The following SH3RF1 variants were observed in gnomAD, a reference collection of about 807,000 sequenced individuals.
The protein encoded by SH3RF1 is SH3 domain containing ring finger 1, also known as E3 ubiquitin-protein ligase SH3RF1.
Under a neutral mutation model 74.0 loss-of-function variants are expected in SH3RF1, and 32 were observed. The observed-to-expected ratio is 0.43, with a 90% confidence interval of 0.33 to 0.58. SH3RF1 has a LOEUF of 0.58. Ranked by LOEUF, SH3RF1 falls within the 20% of genes least tolerant of loss-of-function variation. SH3RF1 has a pLI of 0.05. For missense variants in SH3RF1, 954 were observed against 1,130.9 expected (o/e 0.84, Z 2.24); for synonymous variants, 396 against 439.6 (o/e 0.90, Z 1.24).
At chr4:169,096,731 A>T (rs1732938568) in intron 11 of SH3RF1, 44 bp from the exon 12 acceptor site, 2 of 1,565,758 alleles carry the variant, frequency 1.3e-6, no homozygotes, top group Non-Finnish European at 1.7e-6. Flanking sequence ...CAAAGCAGTG[A>T]TTTTAAAAAA....
Position 169,193,979 on chromosome 4 carries a change from A to G in SH3RF1, c.394-37300T>C, listed in dbSNP as rs536397043. On this transcript the variant is annotated intron_variant, in intron 2 of 11. Coordinates refer to ENST00000284637, the MANE Select transcript of SH3RF1 (RefSeq NM_020870.4). ...GCTGTACTAAGACAATCTCAAGGATAGAGTCTTTTTTTCATGTTTGTGCCA... is the reference window on the plus strand; with the variant it reads ...GCTGTACTAAGACAATCTCAAGGATGGAGTCTTTTTTTCATGTTTGTGCCA... Among the ~76,000 whole-genome samples, 7 of 152,278 alleles carry G rather than the reference A, an allele frequency of 4.6e-5. No homozygotes were observed. The East Asian group carries it at 1.4e-3, about 29-fold the overall frequency.
At chr4:169,248,132 T>TACTC (rs1561063997) in intron 2 of SH3RF1, among the ~76,000 whole-genome samples, 3 of 152,174 alleles carry the variant, frequency 2.0e-5, no homozygotes, top group Admixed American at 1.3e-4. Flanking sequence ...GCAATCCCAT[T>TACTC]GGTGGATATA....
intron 10 of SH3RF1, among the ~76,000 whole-genome samples, chr4:169,107,425 G>A (rs1029713873): frequency 1.3e-5 from 2 of 152,060 alleles, no homozygotes; most frequent in Admixed American, 1.3e-4. Context: ...ACCAAGTTTT[G>A]TGTGGTGCTA....
At chr4:169,117,958 G>C (rs992004668) in intron 8 of SH3RF1, among the ~76,000 whole-genome samples, 176 bp from the exon 9 acceptor site, 2 of 152,230 alleles carry the variant, frequency 1.3e-5, no homozygotes, top group South Asian at 2.1e-4. Context: ...GGCTGAGACA[G>C]AGAAAGGTCT....
intron 2 of SH3RF1, among the ~76,000 whole-genome samples, chr4:169,263,018 C>T (rs1458805481): frequency 6.6e-6 from 1 of 152,176 alleles, no homozygotes; most frequent in Non-Finnish European, 1.5e-5. Flanking sequence ...CCACCTTTTC[C>T]GTTTTAATTC....
chr4:169,221,545 T>C (rs1730564366), intron 2 of SH3RF1, among the ~76,000 whole-genome samples: 1 of 152,168 alleles, frequency 6.6e-6, no homozygotes, highest in African/African-American at 2.4e-5. Flanking sequence ...TTTGAAAACA[T>C]TAACATTGGA....
intron 6 of SH3RF1, 79 bp from the exon 7 acceptor site, chr4:169,122,345 G>A: frequency 7.0e-7 from 1 of 1,435,888 alleles, no homozygotes; most frequent in Non-Finnish European, 9.4e-7. Context: ...GAAGGTGGGA[G>A]AGAAAAAGAA....
At chr4:169,204,675 T>TGAGTA (rs1055368809) in intron 2 of SH3RF1, among the ~76,000 whole-genome samples, 1 of 150,722 alleles carries the variant, frequency 6.6e-6, no homozygotes, top group African/African-American at 2.4e-5. Context: ...CTCAGCCCCC[T>TGAGTA]GAGTAGCTGG....
At chr4:169,225,478 A>T (rs1471050060) in intron 2 of SH3RF1, among the ~76,000 whole-genome samples, 6 of 152,182 alleles carry the variant, frequency 3.9e-5, no homozygotes, top group African/African-American at 1.4e-4. Flanking sequence ...GACATGAGGA[A>T]GGGAAGTCAT....
intron 11 of SH3RF1, among the ~76,000 whole-genome samples, chr4:169,105,851 A>G (rs1165940155): frequency 6.6e-6 from 1 of 152,172 alleles, no homozygotes; most frequent in East Asian, 1.9e-4. Context: ...GCACCACTGC[A>G]CTGAAGCCTG....
chr4:169,139,104 A>G (rs954195023), intron 4 of SH3RF1, among the ~76,000 whole-genome samples: 4 of 152,118 alleles, frequency 2.6e-5, no homozygotes, highest in Non-Finnish European at 2.9e-5. Context: ...GGTATGCAAC[A>G]CCACACCCAG....
In SH3RF1 at chr4:169,106,868, G is replaced by C. The variant is rs747377724; in HGVS notation, c.2477C>G (p.Ser826Cys). 8.1e-6 allele frequency: 13 copies of C among 1,609,948 alleles called. No homozygotes were observed. Among genetic ancestry groups the C allele is most frequent in the African/African-American group, 2.7e-5 (2 of 74,816 alleles). Residue 826 changes from serine to cysteine, a missense_variant, in exon 11 of 12, where the codon TCT (serine) becomes TGT (cysteine). Around this residue, in one of 3 missense-constraint regions of SH3RF1, gnomAD observed 854 missense variants for 962.5 expected, o/e 0.89. Coordinates refer to ENST00000284637, the MANE Select transcript of SH3RF1 (RefSeq NM_020870.4). ...CSSLGPVLNE[S>C]RPVVCERHRV... ...TTACCTTTCACAAACGACAGGTCTA[G>C]ACTCATTCAAGACAGGACCCAGGGA...
chr4:169,230,380 G>A (rs1285633244), intron 2 of SH3RF1, among the ~76,000 whole-genome samples: 2 of 152,006 alleles, frequency 1.3e-5, no homozygotes, highest in Admixed American at 6.6e-5. Flanking sequence ...TTTATGAAAA[G>A]CATTTCAAAA....
intron 4 of SH3RF1, among the ~76,000 whole-genome samples, chr4:169,153,601 T>C (rs780152642): frequency 6.6e-6 from 1 of 152,194 alleles, no homozygotes; most frequent in African/African-American, 2.4e-5. Context: ...TAGGTTGCAA[T>C]TGAAGTCTGC....
chr4:169,120,141 C>T (rs993576487), intron 8 of SH3RF1, among the ~76,000 whole-genome samples: 35 of 152,274 alleles, frequency 2.3e-4, no homozygotes, highest in African/African-American at 7.9e-4. Context: ...AACCTCTAGT[C>T]GTGACAATCA....
chr4:169,113,722 T>A (rs1733283027), intron 10 of SH3RF1, among the ~76,000 whole-genome samples: 1 of 152,226 alleles, frequency 6.6e-6, no homozygotes, highest in East Asian at 1.9e-4. Context: ...GTGACAACAA[T>A]CATGGAATTA....
intron 8 of SH3RF1, among the ~76,000 whole-genome samples, chr4:169,119,277 T>G (rs13129083): frequency 8.0e-6 from 1 of 125,488 alleles, no homozygotes; most frequent in African/African-American, 3.1e-5. Flanking sequence ...CTAATTTTTG[T>G]ATTTTTTTTT....
In SH3RF1 at chr4:169,107,140, A is replaced by G; in HGVS notation, c.2205T>C (p.Ser735=). Residue 735 remains serine, a synonymous_variant, in exon 11 of 12, where the codon TCT becomes TCC. Transcript: ENST00000284637. ...GASTKRKPRV[S]PPASPTLEVE... ...CTTCTAGGGTGGGCGATGCTGGAGG[A>G]GACACGCGGGGCTTCCGTTTAGTGG... 1 of 1,605,284 alleles carries G rather than the reference A, an allele frequency of 6.2e-7. No homozygotes were observed. Among genetic ancestry groups the G allele is most frequent in the Non-Finnish European group, 8.5e-7 (1 of 1,175,032 alleles).
rs147283623 is a variant in SH3RF1 at position 169,192,242 on chromosome 4, G to C, written c.394-35563C>G. ...AAAAAGTGGGCTCAGGACATGAATA[G>C]ACAGTTCGCAAAAGAAGATATACAA... On this transcript the variant is annotated intron_variant, in intron 2 of 11. Coordinates refer to ENST00000284637, the MANE Select transcript of SH3RF1 (RefSeq NM_020870.4). 3.4e-3 allele frequency among the ~76,000 whole-genome samples: 519 copies of C among 152,164 alleles called. 3 individuals carry two copies. Among genetic ancestry groups the C allele is most frequent in the African/African-American group, 0.012 (503 of 41,518 alleles).
Sources: gnomAD v4.1 joint callset for allele counts (sites outside exome capture counted in the v4.1 genomes callset) on GRCh38, gnomAD v4.1.1 for gene constraint, gnomAD v4.1.1 regional missense constraint, MANE v1.5 for transcripts, NCBI Gene and HGNC (gene_info 2026-07-23, HGNC 2026-07-21) for gene names.